Variants in DOCK8 observed in about 807,000 individuals in gnomAD.
The protein encoded by DOCK8 is dedicator of cytokinesis protein 8.
DOCK8 carries 141 observed loss-of-function variants against 245.6 expected under a neutral mutation model. The ratio of observed to expected loss-of-function variants is 0.57; its 90% CI spans 0.50 to 0.66. The LOEUF (loss-of-function observed/expected upper bound fraction) is 0.66. DOCK8 is among the 30% of genes least tolerant of loss of function. The pLI, the probability that DOCK8 is intolerant of heterozygous loss-of-function variation, is 0.00. For missense variants in DOCK8, 2,965 were observed against 2,603.4 expected (o/e 1.14, Z -3.02); for synonymous variants, 1,168 against 970.2 (o/e 1.20, Z -3.79).
chr9:421,563 A>T (rs2056281521), intron 32 of DOCK8, among the ~76,000 whole-genome samples: 3 of 152,200 alleles, frequency 2.0e-5, no homozygotes, highest in Admixed American at 2.0e-4. Flanking sequence ...CCACCACAGG[A>T]GGAATGATCT....
At chr9:352,869 G>A (rs940352186) in intron 14 of DOCK8, among the ~76,000 whole-genome samples, 1 of 152,184 alleles carries the variant, frequency 6.6e-6, no homozygotes, top group Non-Finnish European at 1.5e-5. Flanking sequence ...TATGAGTGTA[G>A]GGAGTGGGAA....
chr9:339,324 G>T (rs1306483877), intron 13 of DOCK8, among the ~76,000 whole-genome samples: 1 of 152,118 alleles, frequency 6.6e-6, no homozygotes, highest in Non-Finnish European at 1.5e-5. Context: ...TTGTGCTTTA[G>T]ATCTGGTTTC....
At chr9:347,870 A>G (rs566241498) in intron 14 of DOCK8, among the ~76,000 whole-genome samples, 1 of 152,236 alleles carries the variant, frequency 6.6e-6, no homozygotes, top group South Asian at 2.1e-4. Flanking sequence ...CCGTTCCAGT[A>G]TAATATTCAG....
At chr9:357,362 T>G (rs2052493613) in intron 14 of DOCK8, among the ~76,000 whole-genome samples, 1 of 152,192 alleles carries the variant, frequency 6.6e-6, no homozygotes, top group Non-Finnish European at 1.5e-5. Context: ...TTGCAGATCA[T>G]CAGTTGAAAA....
intron 18 of DOCK8, among the ~76,000 whole-genome samples, chr9:375,121 T>C (rs1048853831): frequency 1.6e-4 from 25 of 152,334 alleles, no homozygotes; most frequent in Middle Eastern, 6.8e-3. Context: ...TTAAAGTTCC[T>C]AATACTTCAA....
chr9:358,549 C>T (rs1457867264), intron 14 of DOCK8, among the ~76,000 whole-genome samples: 1 of 152,158 alleles, frequency 6.6e-6, no homozygotes, highest in Non-Finnish European at 1.5e-5. Context: ...TTGACAGTTC[C>T]TTTAAAAATT....
chr9:403,886 CTCTCTCTATATA>C (rs1469835541), intron 26 of DOCK8, among the ~76,000 whole-genome samples: 2 of 89,410 alleles, frequency 2.2e-5, no homozygotes, highest in South Asian at 3.6e-4. Context: ...CTCTCTCTCT[CTCTCTCTATATA>C]TATATATATA....
chr9:286,318 C>G, intron 2 of DOCK8, 143 bp from the exon 3 acceptor site: 4 of 875,078 alleles, frequency 4.6e-6, no homozygotes, highest in Non-Finnish European at 7.0e-6. Flanking sequence ...TTTGACAGCT[C>G]CTCCAAAGAG....
chr9:266,314 C>A (rs2048033902), intron 1 of DOCK8, among the ~76,000 whole-genome samples: 3 of 152,136 alleles, frequency 2.0e-5, no homozygotes, highest in Admixed American at 2.0e-4. Context: ...CTGGATCAGG[C>A]TTCCCAGGAA....
chr9:434,207 A>C (rs1215121177), intron 38 of DOCK8, among the ~76,000 whole-genome samples: 1 of 152,182 alleles, frequency 6.6e-6, no homozygotes, highest in Non-Finnish European at 1.5e-5. Context: ...TAATAACATT[A>C]TTAAATATAA....
chr9:386,773 C>G (rs1181878579), intron 23 of DOCK8, among the ~76,000 whole-genome samples: 1 of 152,218 alleles, frequency 6.6e-6, no homozygotes, highest in African/African-American at 2.4e-5. Flanking sequence ...GATGCTGGTC[C>G]AGGGACCACA....
At position 446,361 on chromosome 9, in the gene DOCK8, C is replaced by T. The variant is rs772923430; in HGVS notation, c.5581-9C>T. ...CTCATCTTCTCCCTCCGTGCCTTTT[C>T]CCCCTTAGGCCTACATACAGATCAC... On this transcript the variant is annotated splice_polypyrimidine_tract_variant and intron_variant, in intron 43 of 47. Transcript: ENST00000432829. 8.1e-6 allele frequency: 13 copies of T among 1,611,414 alleles called. No individual in the cohort carries two copies. The Admixed American group carries it at 1.2e-4, about 14-fold the overall frequency.
intron 8 of DOCK8, 53 bp downstream of exon 8, chr9:325,790 C>G: frequency 2.1e-6 from 3 of 1,460,154 alleles, no homozygotes; most frequent in Non-Finnish European, 2.8e-6. Flanking sequence ...GTTCATGATT[C>G]TTTGCATGTA....
intron 1 of DOCK8, among the ~76,000 whole-genome samples, chr9:262,934 C>A (rs613888): frequency 1.3e-5 from 2 of 151,472 alleles, no homozygotes; most frequent in African/African-American, 4.9e-5. Context: ...AGGCAGGGCA[C>A]GGTGGCTCCC....
intron 46 of DOCK8, among the ~76,000 whole-genome samples, chr9:457,410 A>G (rs758597130): frequency 6.6e-6 from 1 of 152,254 alleles, no homozygotes; most frequent in African/African-American, 2.4e-5. Context: ...ATAAGACTTC[A>G]TACATACTAA....
intron 5 of DOCK8, among the ~76,000 whole-genome samples, chr9:311,316 T>C (rs1183360631): frequency 1.3e-5 from 2 of 150,174 alleles, no homozygotes; most frequent in African/African-American, 4.9e-5. Flanking sequence ...CATACCTCAC[T>C]GCAGCCTTGA....
intron 1 of DOCK8, among the ~76,000 whole-genome samples, chr9:251,825 C>T (rs1425372840): frequency 6.6e-6 from 1 of 152,072 alleles, no homozygotes; most frequent in Non-Finnish European, 1.5e-5. Flanking sequence ...GTTCTAGTAG[C>T]AGGCTTTTCC....
chr9:435,435 C>T lies in DOCK8; in HGVS notation c.5079+460C>T, dbSNP rs534589997. 2.6e-4 allele frequency among the ~76,000 whole-genome samples: 40 copies of T among 152,278 alleles called. No homozygotes were observed. The South Asian group carries it at 3.1e-3, about 12-fold the overall frequency. ...GAAGGCGGTTATTATTCCCACTTCGCGGATGAGAGAACTGAGAGAGCAAGT... is the reference window on the plus strand; with the variant it reads ...GAAGGCGGTTATTATTCCCACTTCGTGGATGAGAGAACTGAGAGAGCAAGT... On this transcript the variant is annotated intron_variant, in intron 39 of 47. Coordinates refer to ENST00000432829, the MANE Select transcript of DOCK8 (RefSeq NM_203447.4).
In DOCK8 at chr9:334,329, C is replaced by T; in HGVS notation, c.1230C>T (p.Ser410=). 6.2e-7 allele frequency: 1 copy of T among 1,614,194 alleles called. No homozygotes were observed. The highest frequency in any genetic ancestry group is 1.1e-5 in the South Asian group (1 of 91,080). Residue 410 remains serine (S), a synonymous_variant, in exon 11 of 48, where the codon AGC becomes AGT. Transcript: ENST00000432829. ...CCTGGGCACCCATAAGCTTATCAAG[C>T]TTCTTCAATGTCTCCACCCTTGAGA... ...PFAWAPISLS[S]FFNVSTLERE... is the part of the protein sequence containing the mutation.
Sources: allele counts gnomAD v4.1 joint callset (sites outside exome capture counted in the v4.1 genomes callset), GRCh38; gene constraint gnomAD v4.1.1; transcripts MANE v1.5; gene names NCBI Gene and HGNC (gene_info 2026-07-23, HGNC 2026-07-21).